Variants in DLGAP2 observed in about 807,000 individuals in gnomAD.
The protein encoded by DLGAP2 is DLG associated protein 2.
Under a neutral mutation model 100.3 loss-of-function variants are expected in DLGAP2, and 26 were observed. The observed-to-expected ratio is 0.26, with a 90% CI of 0.19 to 0.36. The LOEUF (loss-of-function observed/expected upper bound fraction) is 0.36. Among genes scored for constraint, DLGAP2 ranks in the 10% least tolerant of loss-of-function variants. DLGAP2 has a pLI of 1.00. For missense variants in DLGAP2, 1,858 were observed against 1,453.2 expected, an observed-to-expected ratio of 1.28 and a Z score of -4.53; for synonymous variants, 886 against 630.1, an observed-to-expected ratio of 1.41 and a Z score of -6.08.
At chr8:1,567,630 C>T (rs924252474) in intron 6 of DLGAP2, among the ~76,000 whole-genome samples, 8 of 152,176 alleles carry the variant, frequency 5.3e-5, no homozygotes, top group African/African-American at 7.2e-5. Flanking sequence ...GTGGCAGAGA[C>T]AGTGTCTCAT....
intron 1 of DLGAP2, among the ~76,000 whole-genome samples, chr8:858,721 C>G (rs35185084): frequency 0.64 from 93,335 of 146,586 alleles, 29,594 homozygotes; most frequent in East Asian, 0.75. Flanking sequence ...GTGTGATGCT[C>G]TCACCGTGGG....
chr8:1,187,752 C>T (rs1466773980), intron 2 of DLGAP2, among the ~76,000 whole-genome samples: 1 of 118,728 alleles, frequency 8.4e-6, no homozygotes, highest in Non-Finnish European at 1.7e-5. Context: ...CGTGACGTTT[C>T]CCTCACGGAA....
At chr8:1,497,693 C>T (rs182759378) in intron 3 of DLGAP2, among the ~76,000 whole-genome samples, 192 of 152,332 alleles carry the variant, frequency 1.3e-3, no homozygotes, top group Non-Finnish European at 1.9e-3. Context: ...TCCAGGCGAA[C>T]AGGGTTCTTG....
chr8:1,292,911 G>T (rs1451611450), intron 3 of DLGAP2, among the ~76,000 whole-genome samples: 1 of 152,108 alleles, frequency 6.6e-6, no homozygotes, highest in Non-Finnish European at 1.5e-5. Context: ...GGTCCCCTCT[G>T]AGTGCTCCTA....
chr8:915,087 G>A (rs2129000351), intron 2 of DLGAP2, among the ~76,000 whole-genome samples: 1 of 152,352 alleles, frequency 6.6e-6, no homozygotes, highest in East Asian at 1.9e-4. Context: ...GGTCCTTAGA[G>A]AAGGATGGTT....
rs550754497 is a variant in DLGAP2 at position 1,355,611 on chromosome 8, TC to T, written c.106+96729del. On this transcript the variant is annotated intron_variant, in intron 3 of 14. Transcript: ENST00000637795. Reference sequence around the variant, plus strand: ...AACTCCTGACCTCATGATCCACCTGTCTCGGCCTCCCAGGGTGCTGGGATTA... The same window carrying T: ...AACTCCTGACCTCATGATCCACCTGTTCGGCCTCCCAGGGTGCTGGGATTA... 2.0e-5 allele frequency among the ~76,000 whole-genome samples: 3 copies of T among 152,236 alleles called. No homozygotes were observed. In the South Asian group the frequency reaches 6.2e-4, roughly 32 times the overall value.
intron 2 of DLGAP2, among the ~76,000 whole-genome samples, chr8:947,534 G>A (rs1204108892): frequency 2.6e-5 from 4 of 152,202 alleles, no homozygotes; most frequent in Non-Finnish European, 4.4e-5. Context: ...GTGGCTGCAG[G>A]TTGCTGATCC....
intron 8 of DLGAP2, among the ~76,000 whole-genome samples, chr8:1,640,302 GGGTCCTC>G (rs879629365): frequency 0.067 from 9,844 of 147,758 alleles, 402 homozygotes; most frequent in African/African-American, 0.12. Context: ...GCTGCCCCGT[GGGTCCTC>G]AGTGTCAGAC....
At chr8:943,957 G>A (rs1236965958) in intron 2 of DLGAP2, among the ~76,000 whole-genome samples, 1 of 152,228 alleles carries the variant, frequency 6.6e-6, no homozygotes, top group African/African-American at 2.4e-5. Flanking sequence ...AAGATCAATA[G>A]TGAAGACATC....
At chr8:810,247 T>A (rs1433837653) in intron 1 of DLGAP2, among the ~76,000 whole-genome samples, 1 of 152,240 alleles carries the variant, frequency 6.6e-6, no homozygotes, top group Non-Finnish European at 1.5e-5. Flanking sequence ...TTCCTCCAAT[T>A]TTACTGATTC....
chr8:1,449,250 G>C (rs920951975), intron 3 of DLGAP2, among the ~76,000 whole-genome samples: 2 of 152,224 alleles, frequency 1.3e-5, no homozygotes, highest in Admixed American at 1.3e-4. Flanking sequence ...TACCAATGAA[G>C]TCCTCACCCT....
chr8:1,156,177 G>A (rs1796781125), intron 2 of DLGAP2, among the ~76,000 whole-genome samples: 3 of 152,154 alleles, frequency 2.0e-5, no homozygotes, highest in African/African-American at 7.2e-5. Context: ...AATCACCGGG[G>A]CTGCAGCTCT....
intron 4 of DLGAP2, among the ~76,000 whole-genome samples, chr8:1,516,926 A>G (rs1292975303): frequency 6.6e-6 from 1 of 152,226 alleles, no homozygotes; most frequent in East Asian, 1.9e-4. Flanking sequence ...TTTGCTTGAA[A>G]CAATAAAATA....
intron 1 of DLGAP2, among the ~76,000 whole-genome samples, chr8:744,776 C>A (rs1047954028): frequency 7.2e-5 from 11 of 152,238 alleles, no homozygotes; most frequent in African/African-American, 2.7e-4. Flanking sequence ...TGGCTTCACC[C>A]ACACTGGACG....
chr8:1,191,270 A>T (rs1165040824), intron 2 of DLGAP2, among the ~76,000 whole-genome samples: 1 of 148,590 alleles, frequency 6.7e-6, no homozygotes, highest in African/African-American at 2.5e-5. Context: ...TCCCGGGTTC[A>T]GGCCATTCTC....
At chr8:1,153,555 A>G (rs914720128) in intron 2 of DLGAP2, among the ~76,000 whole-genome samples, 3 of 152,134 alleles carry the variant, frequency 2.0e-5, no homozygotes, top group African/African-American at 7.2e-5. Context: ...GAGTTAATTA[A>G]CCTGTTTTTA....
chr8:871,709 A>C (rs1347577986), intron 1 of DLGAP2, among the ~76,000 whole-genome samples: 1 of 152,166 alleles, frequency 6.6e-6, no homozygotes, highest in Non-Finnish European at 1.5e-5. Flanking sequence ...ATATGAAAAA[A>C]AAAACCAATT....
chr8:1,036,623 A>G (rs1802132908), intron 2 of DLGAP2, among the ~76,000 whole-genome samples: 1 of 152,134 alleles, frequency 6.6e-6, no homozygotes, highest in Non-Finnish European at 1.5e-5. Flanking sequence ...CTGGCAGGCT[A>G]TAGAGACCAG....
intron 4 of DLGAP2, among the ~76,000 whole-genome samples, chr8:1,534,755 T>C (rs1168709410): frequency 6.8e-6 from 1 of 147,480 alleles, no homozygotes; most frequent in Non-Finnish European, 1.5e-5. Flanking sequence ...TGTGTGTTTG[T>C]GTGTGCATGT....
Sources: gnomAD v4.1 joint callset for allele counts (sites outside exome capture counted in the v4.1 genomes callset) on GRCh38, gnomAD v4.1.1 for gene constraint, MANE v1.5 for transcripts, NCBI Gene and HGNC (gene_info 2026-07-23, HGNC 2026-07-21) for gene names.